CACNA2D4: variants seen among roughly 807,000 people sequenced by gnomAD.
The protein encoded by CACNA2D4 is voltage-dependent calcium channel subunit alpha-2/delta-4.
In CACNA2D4, 157 loss-of-function variants were observed where a neutral mutation model predicts 163.8. The ratio of observed to expected loss-of-function variants is 0.96; its 90% CI spans 0.84 to 1.09. The LOEUF (loss-of-function observed/expected upper bound fraction) is 1.09, where lower values mean the gene tolerates loss of function less well. Among genes scored for constraint, CACNA2D4 ranks in the 50% least tolerant of loss-of-function variants. The pLI, the probability that CACNA2D4 is intolerant of heterozygous loss-of-function variation, is 0.00. For missense variants in CACNA2D4, 1,410 were observed against 1,479.9 expected, an observed-to-expected ratio of 0.95 and a Z score of 0.78; for synonymous variants, 598 against 586.9, an observed-to-expected ratio of 1.02 and a Z score of -0.27.
intron 26 of CACNA2D4, among the ~76,000 whole-genome samples, chr12:1,818,771 A>G (rs1222678679): frequency 7.1e-6 from 1 of 140,554 alleles, no homozygotes; most frequent in Non-Finnish European, 1.5e-5. Context: ...GATCAATAAA[A>G]AATAAATAAA....
chr12:1,831,553 C>T (rs377220840), intron 26 of CACNA2D4: 8 of 1,571,320 alleles, frequency 5.1e-6, no homozygotes, highest in African/African-American at 2.7e-5. Flanking sequence ...TGCTGGGGCC[C>T]GAGGGATTGG....
chr12:1,801,565 C>T lies in CACNA2D4; in HGVS notation c.2792+9G>A. ...CTATTTGGACTGGGGAGGAGTGTGC[C>T]CCACTTACTGGCTGAACACCCCCAT... is the stretch of plus-strand genomic sequence containing the variant. On this transcript the variant is annotated intron_variant, in intron 30 of 37. Coordinates refer to ENST00000382722, the MANE Select transcript of CACNA2D4 (RefSeq NM_172364.5). 1 of 1,575,706 alleles carries T rather than the reference C, an allele frequency of 6.3e-7. No individual in the cohort carries two copies. The highest frequency in any genetic ancestry group is 8.6e-7 in the Non-Finnish European group (1 of 1,158,322).
chr12:1,876,941 A>G (rs950086365), intron 16 of CACNA2D4, among the ~76,000 whole-genome samples: 6 of 152,220 alleles, frequency 3.9e-5, no homozygotes, highest in African/African-American at 1.4e-4. Context: ...GTCCAATGGC[A>G]TGGCTCTTTT....
intron 18 of CACNA2D4, among the ~76,000 whole-genome samples, chr12:1,870,208 A>G (rs1865741261): frequency 6.6e-6 from 1 of 152,108 alleles, no homozygotes; most frequent in Non-Finnish European, 1.5e-5. Flanking sequence ...TACACGTGCA[A>G]AAGCTGAGAT....
chr12:1,902,175 A>G (rs964094928), intron 6 of CACNA2D4, among the ~76,000 whole-genome samples: 1 of 147,160 alleles, frequency 6.8e-6, no homozygotes, highest in Non-Finnish European at 1.5e-5. Flanking sequence ...CTTCATGGTA[A>G]AACCCCTAAA....
At chr12:1,894,459 C>A (rs1265300805) in intron 6 of CACNA2D4, among the ~76,000 whole-genome samples, 1 of 152,150 alleles carries the variant, frequency 6.6e-6, no homozygotes, top group African/African-American at 2.4e-5. Flanking sequence ...AGGCCAGTAT[C>A]TCTGATGACC....
In CACNA2D4 at chr12:1,879,804, C is replaced by T. The variant is rs11062013; in HGVS notation, c.1563G>A (p.Thr521=). 2.1e-4 allele frequency: 328 copies of T among 1,596,710 alleles called. 3 individuals are homozygous for T. In the East Asian group the frequency reaches 4.9e-3, roughly 24 times the overall value. Residue 521 remains threonine (T), a splice_region_variant and synonymous_variant, in exon 14 of 38, where the codon ACG becomes ACA. Coordinates refer to ENST00000382722, the MANE Select transcript of CACNA2D4 (RefSeq NM_172364.5). Reference sequence around the variant, plus strand: ...AACGTCTCCAGGAGCGGCCACTCACCGTTTCGTTCTTCTTGCTGAAGACTG... The same window carrying T: ...AACGTCTCCAGGAGCGGCCACTCACTGTTTCGTTCTTCTTGCTGAAGACTG... ...AMPVFSKKNE[T]RSHGILLGVV...
chr12:1,858,244 C>T (rs1865442440), intron 20 of CACNA2D4, among the ~76,000 whole-genome samples: 1 of 152,204 alleles, frequency 6.6e-6, no homozygotes, highest in Non-Finnish European at 1.5e-5. Context: ...TTGCAGTCAC[C>T]TGGCAGGGAA....
chr12:1,896,646 C>A lies in CACNA2D4; in HGVS notation c.782-9577G>T, dbSNP rs1237530962. ...ACACACACACACACACACACACACA[C>A]ACACACACAAAACAGATGCTAGCAA... On this transcript the variant is annotated intron_variant, in intron 6 of 37. Transcript: ENST00000382722. 3.6e-3 allele frequency among the ~76,000 whole-genome samples: 507 copies of A among 141,646 alleles called. 6 individuals carry two copies. Among genetic ancestry groups the A allele is most frequent in the South Asian group, 0.022 (92 of 4,220 alleles). 92.9% of individuals were successfully genotyped at this position (141,646 alleles called of 152,430 possible).
At chr12:1,845,381 A>G (rs1865121786) in intron 24 of CACNA2D4, among the ~76,000 whole-genome samples, 1 of 70,554 alleles carries the variant, frequency 1.4e-5, no homozygotes, top group African/African-American at 5.5e-5. Context: ...CTCCGCAGGG[A>G]TGGGTGGGGG....
chr12:1,904,216 G>C lies in CACNA2D4; in HGVS notation c.781+3224C>G, dbSNP rs371808923. Among the ~76,000 whole-genome samples, 14 of 152,070 alleles carry C rather than the reference G, an allele frequency of 9.2e-5. 1 individual carries two copies. The highest frequency in any genetic ancestry group is 3.3e-4 in the Admixed American group (5 of 15,264). On this transcript the variant is annotated intron_variant, in intron 6 of 37. Transcript: ENST00000382722. ...AAAATTAGAATAATAGCTACCAGAG[G>C]CTGGGAAGGGTAGCGATGGGGTTGG...
At chr12:1,811,271 A>G (rs1863698360) in intron 27 of CACNA2D4, among the ~76,000 whole-genome samples, 1 of 152,232 alleles carries the variant, frequency 6.6e-6, no homozygotes, top group Non-Finnish European at 1.5e-5. Flanking sequence ...TAGAACGGAC[A>G]GGACGAGGCC....
intron 5 of CACNA2D4, 110 bp downstream of exon 5, chr12:1,907,765 G>C: frequency 7.4e-7 from 1 of 1,350,938 alleles, no homozygotes; most frequent in Non-Finnish European, 1.0e-6. Flanking sequence ...GGTGTGTCTG[G>C]TGGGCCAGCC....
In CACNA2D4 at chr12:1,797,472, T is replaced by C; in HGVS notation, c.3059A>G (p.Tyr1020Cys). The C allele has an allele frequency of 6.3e-7, 1 of 1,586,350 alleles. No homozygotes were observed. Residue 1020 changes from tyrosine to cysteine, a missense_variant, in exon 35 of 38, where the codon TAC (tyrosine) becomes TGC (cysteine). Coordinates refer to ENST00000382722, the MANE Select transcript of CACNA2D4 (RefSeq NM_172364.5). Reference sequence around the variant, plus strand: ...GTTGGCCTCCCGGATGGCCGGCTGGTACACGAACACGGGGTACTCCGTGTC... The same window carrying C: ...GTTGGCCTCCCGGATGGCCGGCTGGCACACGAACACGGGGTACTCCGTGTC... ...PCDTEYPVFV[Y>C]QPAIREANGI... is the part of the protein sequence containing the mutation.
At chr12:1,811,937 C>T (rs74059370) in intron 26 of CACNA2D4, 7,816 of 581,000 alleles carry the variant, frequency 0.013, 420 homozygotes, top group African/African-American at 0.12. Context: ...CTCGTTCCCA[C>T]TGGAAGAAGA....
At chr12:1,884,702 G>T in intron 11 of CACNA2D4, 66 bp downstream of exon 11, 1 of 1,050,498 alleles carries the variant, frequency 9.5e-7, no homozygotes, top group Non-Finnish European at 1.5e-6. Context: ...TAGGGTCCCT[G>T]CTGGTGATCC....
chr12:1,818,101 G>A (rs1293824989), intron 26 of CACNA2D4, among the ~76,000 whole-genome samples: 10 of 144,892 alleles, frequency 6.9e-5, no homozygotes, highest in African/African-American at 2.5e-4. Flanking sequence ...CCACCGCCCC[G>A]TCTGGGATGT....
chr12:1,855,563 G>A (rs565110109), intron 22 of CACNA2D4, among the ~76,000 whole-genome samples: 2 of 152,346 alleles, frequency 1.3e-5, no homozygotes, highest in South Asian at 4.1e-4. Flanking sequence ...TGAGGAACTG[G>A]TTTAGAAAAC....
At chr12:1,871,851 C>T (rs1177998796) in intron 18 of CACNA2D4, among the ~76,000 whole-genome samples, 1 of 152,132 alleles carries the variant, frequency 6.6e-6, no homozygotes, top group African/African-American at 2.4e-5. Context: ...AAGGAACACT[C>T]TGTCTGCCCC....
Sources: allele counts gnomAD v4.1 joint callset (sites outside exome capture counted in the v4.1 genomes callset), GRCh38; gene constraint gnomAD v4.1.1; transcripts MANE v1.5; gene names NCBI Gene and HGNC (gene_info 2026-07-23, HGNC 2026-07-21).